AEBP2: variants seen among roughly 807,000 people sequenced by gnomAD.
AEBP2 encodes the protein zinc finger protein AEBP2.
In AEBP2, 10 loss-of-function variants were observed where a neutral mutation model predicts 50.8. The observed-to-expected ratio is 0.20, with a 90% CI of 0.12 to 0.33. AEBP2 has a LOEUF of 0.33. Among genes scored for constraint, AEBP2 ranks in the 10% least tolerant of loss-of-function variants. The probability of loss-of-function intolerance (pLI) is 1.00; values close to 1 mark genes in which losing one functional copy is unlikely to be tolerated. For synonymous variants in AEBP2, 296 were observed against 261.3 expected, an observed-to-expected ratio of 1.13 and a Z score of -1.28; for missense variants, 570 against 688.0, an observed-to-expected ratio of 0.83 and a Z score of 1.92.
chr12:19,484,546 T>C (rs901087783), intron 3 of AEBP2, among the ~76,000 whole-genome samples: 1 of 151,930 alleles, frequency 6.6e-6, no homozygotes, highest in Admixed American at 6.6e-5. Flanking sequence ...AGCTAATTTT[T>C]GTATTTTTAG....
intron 1 of AEBP2, chr12:19,440,663 C>A (rs1220236789): frequency 5.9e-6 from 9 of 1,532,172 alleles, no homozygotes; most frequent in Non-Finnish European, 7.9e-6. Context: ...AAACAGTCCC[C>A]AAACGGGCCC....
intron 1 of AEBP2, among the ~76,000 whole-genome samples, chr12:19,416,415 C>CT (rs2095742606): frequency 3.3e-5 from 4 of 120,888 alleles, no homozygotes; most frequent in Non-Finnish European, 4.1e-5. Context: ...CTTTTTTTTT[C>CT]TTTTTTTGAG....
At chr12:19,445,096 A>C (rs1948036212) in intron 1 of AEBP2, among the ~76,000 whole-genome samples, 1 of 152,152 alleles carries the variant, frequency 6.6e-6, no homozygotes, top group African/African-American at 2.4e-5. Context: ...CCTATCCTGT[A>C]AGATTGCAAT....
At chr12:19,516,724 C>G (rs146576259) in intron 7 of AEBP2, among the ~76,000 whole-genome samples, 1 of 151,980 alleles carries the variant, frequency 6.6e-6, no homozygotes, top group Non-Finnish European at 1.5e-5. Context: ...TTTTCCTTAC[C>G]TGTATCAAAA....
chr12:19,454,789 C>T (rs903654067), intron 1 of AEBP2, among the ~76,000 whole-genome samples: 17 of 151,942 alleles, frequency 1.1e-4, no homozygotes, highest in Admixed American at 1.3e-4. Context: ...GGGGGGAGAA[C>T]GACCCAAAGT....
chr12:19,512,666 C>T (rs1362395102), intron 6 of AEBP2, among the ~76,000 whole-genome samples: 1 of 149,202 alleles, frequency 6.7e-6, no homozygotes, highest in Non-Finnish European at 1.5e-5. Flanking sequence ...TTAAGCCCCC[C>T]CTCTTTTTTT....
At chr12:19,419,231 G>GCCT (rs1156549190) in intron 1 of AEBP2, 5 of 152,780 alleles carry the variant, frequency 3.3e-5, no homozygotes, top group African/African-American at 1.2e-4. Flanking sequence ...AGCACCCGGA[G>GCCT]CCTCCTCCTC....
intron 1 of AEBP2, among the ~76,000 whole-genome samples, chr12:19,459,127 G>A (rs1948325564): frequency 2.0e-5 from 3 of 152,234 alleles, no homozygotes; most frequent in Admixed American, 2.0e-4. Context: ...TATAGTTTAT[G>A]TAAGTATGTG....
intron 5 of AEBP2, among the ~76,000 whole-genome samples, chr12:19,507,726 G>A (rs80003215): frequency 0.021 from 3,232 of 152,220 alleles, 42 homozygotes; most frequent in East Asian, 0.043. Context: ...GTCTTCGCTG[G>A]ACACAATAGA....
chr12:19,443,045 T>A (rs1166084589), intron 1 of AEBP2, among the ~76,000 whole-genome samples: 1 of 152,200 alleles, frequency 6.6e-6, no homozygotes, highest in African/African-American at 2.4e-5. Context: ...ACGTTGTGCT[T>A]TTTAGTTTAT....
intron 1 of AEBP2, among the ~76,000 whole-genome samples, chr12:19,417,227 C>T (rs1038377006): frequency 1.3e-5 from 2 of 152,072 alleles, no homozygotes; most frequent in Non-Finnish European, 2.9e-5. Context: ...CCACACACTC[C>T]AGCTAAAGTG....
chr12:19,456,397 C>T lies in AEBP2; in HGVS notation c.672-6113C>T, dbSNP rs1046075260. The T allele has an allele frequency of 2.9e-6, 4 of 1,377,998 alleles. No homozygotes were observed. In the South Asian group the frequency reaches 4.7e-5, roughly 16 times the overall value. The allele number at this position is 1,377,998 out of a possible 1,614,324, so 85.4% of individuals were successfully genotyped here. ...AGAGGTGGGTAGTCTGAGAAGCACT[C>T]AACACACACGGGCTTGCCAGGAACC... On this transcript the variant is annotated intron_variant, in intron 1 of 7. Coordinates refer to ENST00000266508, the MANE Select transcript of AEBP2 (RefSeq NM_153207.5).
At chr12:19,502,929 G>T (rs1290464126) in intron 5 of AEBP2, among the ~76,000 whole-genome samples, 1 of 152,100 alleles carries the variant, frequency 6.6e-6, no homozygotes, top group East Asian at 1.9e-4. Context: ...ATTAATAGGC[G>T]CGAGCCACCA....
At chr12:19,449,685 T>C (rs557054963) in intron 1 of AEBP2, among the ~76,000 whole-genome samples, 1 of 152,328 alleles carries the variant, frequency 6.6e-6, no homozygotes, top group African/African-American at 2.4e-5. Context: ...CATTTTAGCT[T>C]TTTAAATTAC....
chr12:19,506,297 G>A (rs763389611), intron 5 of AEBP2, among the ~76,000 whole-genome samples: 5 of 151,684 alleles, frequency 3.3e-5, no homozygotes, highest in Non-Finnish European at 5.9e-5. Context: ...ATGGGATTTC[G>A]CCATGTTGGC....
At chr12:19,437,513 AC>A (rs1404968974), upstream of AEBP2, among the ~76,000 whole-genome samples, 1 of 152,060 alleles carries the variant, frequency 6.6e-6, no homozygotes, top group African/African-American at 2.4e-5. Flanking sequence ...AGCTGGGACT[AC>A]AGGTGTGCCG....
rs1948136065 is a variant in AEBP2 at position 19,449,861 on chromosome 12, T to G, written c.671+9491T>G. On this transcript the variant is annotated intron_variant, in intron 1 of 7. Coordinates refer to ENST00000266508, the MANE Select transcript of AEBP2 (RefSeq NM_153207.5). ...TTTCTCGCTAAAAATGATGAGCATT[T>G]ACTACGTGCAAGGCTCTAACTAGGT... Among the ~76,000 whole-genome samples the G allele has an allele frequency of 2.6e-5, 4 of 152,218 alleles. No homozygotes were observed. In the South Asian group the frequency reaches 8.3e-4, roughly 32 times the overall value.
chr12:19,405,689 G>A (rs2095735810), intron 1 of AEBP2, among the ~76,000 whole-genome samples: 1 of 152,176 alleles, frequency 6.6e-6, no homozygotes, highest in African/African-American at 2.4e-5. Flanking sequence ...ATGGTAGAGA[G>A]GTGGGAGGAC....
At chr12:19,467,672 G>C (rs544381899) in intron 2 of AEBP2, among the ~76,000 whole-genome samples, 57 of 152,292 alleles carry the variant, frequency 3.7e-4, no homozygotes, top group African/African-American at 1.4e-3. Context: ...TCAAATCCCA[G>C]TGTCCTCTTA....
Sources: gnomAD v4.1 joint callset for allele counts (sites outside exome capture counted in the v4.1 genomes callset) on GRCh38, gnomAD v4.1.1 for gene constraint, MANE v1.5 for transcripts, NCBI Gene and HGNC (gene_info 2026-07-23, HGNC 2026-07-21) for gene names.